Variants in HS6ST3 observed in about 807,000 individuals in gnomAD.
The protein encoded by HS6ST3 is heparan sulfate 6-O-sulfotransferase 3.
HS6ST3 carries 12 observed loss-of-function variants against 36.7 expected under a neutral mutation model. That is an observed-to-expected ratio of 0.33 (90% CI 0.21 to 0.53). The LOEUF is 0.53. HS6ST3 is among the 20% of genes least tolerant of loss of function. The probability of loss-of-function intolerance (pLI) is 0.95; values close to 1 mark genes in which losing one functional copy is unlikely to be tolerated. For missense variants in HS6ST3, 584 were observed against 640.9 expected (o/e 0.91, Z 0.96); for synonymous variants, 240 against 257.5 (o/e 0.93, Z 0.65).
At chr13:96,500,475 G>C (rs76868119) in intron 1 of HS6ST3, among the ~76,000 whole-genome samples, 1 of 151,994 alleles carries the variant, frequency 6.6e-6, no homozygotes, top group Non-Finnish European at 1.5e-5. Context: ...TTACCATTTC[G>C]TCTGCTATGC....
At chr13:96,284,910 G>GCTTGCTTTCTTT (rs1343778101) in intron 1 of HS6ST3, among the ~76,000 whole-genome samples, 172 of 134,664 alleles carry the variant, frequency 1.3e-3, no homozygotes, top group East Asian at 3.6e-3. Context: ...ATGCATATTT[G>GCTTGCTTTCTTT]CTTTCTTTCT....
rs189663603 is a variant in HS6ST3, at chr13:96,685,380, T to A, written c.708-147110T>A. Among the ~76,000 whole-genome samples, 6 of 152,228 alleles carry A rather than the reference T, an allele frequency of 3.9e-5. No homozygotes were observed. In the East Asian group the frequency reaches 1.2e-3, roughly 29 times the overall value. On this transcript the variant is annotated intron_variant, in intron 1 of 1. Coordinates refer to ENST00000376705, the MANE Select transcript of HS6ST3 (RefSeq NM_153456.4). Reference sequence around the variant, plus strand: ...AGTACTAACTTTTAAATATTTGGCATAGATATGTGAAATATCAAAGTCTGT... The same window carrying A: ...AGTACTAACTTTTAAATATTTGGCAAAGATATGTGAAATATCAAAGTCTGT...
chr13:96,598,616 A>C (rs1262228435), intron 1 of HS6ST3, among the ~76,000 whole-genome samples: 1 of 152,050 alleles, frequency 6.6e-6, no homozygotes, highest in African/African-American at 2.4e-5. Flanking sequence ...TCATATCATC[A>C]GCAAACAGAT....
chr13:96,152,259 C>T (rs2054088416), intron 1 of HS6ST3, among the ~76,000 whole-genome samples: 1 of 151,786 alleles, frequency 6.6e-6, no homozygotes, highest in South Asian at 2.1e-4. Context: ...TTGCCACTCC[C>T]CAGTTGAGAC....
At chr13:96,177,949 C>T (rs1011220735) in intron 1 of HS6ST3, among the ~76,000 whole-genome samples, 2 of 152,084 alleles carry the variant, frequency 1.3e-5, no homozygotes, top group Non-Finnish European at 2.9e-5. Context: ...GACAATTCAA[C>T]ACTGAGTGAT....
chr13:96,336,586 T>C (rs549650664), intron 1 of HS6ST3, among the ~76,000 whole-genome samples: 1 of 152,196 alleles, frequency 6.6e-6, no homozygotes, highest in Admixed American at 6.5e-5. Flanking sequence ...CAGAAGAAGA[T>C]AGCCATCTGC....
At chr13:96,229,278 C>T (rs1013034362) in intron 1 of HS6ST3, among the ~76,000 whole-genome samples, 7 of 152,126 alleles carry the variant, frequency 4.6e-5, no homozygotes, top group Non-Finnish European at 7.4e-5. Flanking sequence ...TTTGGTCATT[C>T]GGTAATCACT....
intron 1 of HS6ST3, among the ~76,000 whole-genome samples, chr13:96,218,830 G>A (rs188576341): frequency 6.6e-6 from 1 of 152,210 alleles, no homozygotes; most frequent in Admixed American, 6.5e-5. Flanking sequence ...TACTGCTCTT[G>A]GCAAGGATCA....
intron 1 of HS6ST3, among the ~76,000 whole-genome samples, chr13:96,529,186 G>A (rs1198791276): frequency 6.6e-6 from 1 of 152,078 alleles, no homozygotes; most frequent in Non-Finnish European, 1.5e-5. Flanking sequence ...CTGATCTAGA[G>A]TTAGAAATTT....
intron 1 of HS6ST3, among the ~76,000 whole-genome samples, chr13:96,359,379 T>C (rs1160391313): frequency 6.6e-6 from 1 of 152,208 alleles, no homozygotes; most frequent in Admixed American, 6.5e-5. Flanking sequence ...TTTAAAATTA[T>C]TGAACTGGAT....
intron 1 of HS6ST3, among the ~76,000 whole-genome samples, chr13:96,334,290 G>A (rs142202172): frequency 1.8e-3 from 267 of 152,282 alleles, no homozygotes; most frequent in African/African-American, 6.2e-3. Context: ...CCAATAGTGA[G>A]TTCTTACACA....
chr13:96,726,847 C>T (rs1433117628), intron 1 of HS6ST3, among the ~76,000 whole-genome samples: 1 of 151,748 alleles, frequency 6.6e-6, no homozygotes, highest in African/African-American at 2.4e-5. Context: ...TGCTGTTATC[C>T]TTCTCTTTTC....
At chr13:96,573,450 C>G (rs1440271427) in intron 1 of HS6ST3, among the ~76,000 whole-genome samples, 2 of 152,114 alleles carry the variant, frequency 1.3e-5, no homozygotes, top group Non-Finnish European at 2.9e-5. Context: ...GGTCCTGTCC[C>G]TGCAAGAGCA....
At chr13:96,145,069 C>T (rs1176802712) in intron 1 of HS6ST3, among the ~76,000 whole-genome samples, 3 of 137,852 alleles carry the variant, frequency 2.2e-5, no homozygotes, top group Non-Finnish European at 4.7e-5. Context: ...TGGGTTGGTT[C>T]CAAGTCTTTG....
intron 1 of HS6ST3, among the ~76,000 whole-genome samples, chr13:96,615,993 A>T (rs1202649543): frequency 6.6e-6 from 1 of 152,220 alleles, no homozygotes; most frequent in East Asian, 1.9e-4. Flanking sequence ...TTACTTTCAG[A>T]TATTGCAGAT....
chr13:96,548,128 C>T (rs1291559497), intron 1 of HS6ST3, among the ~76,000 whole-genome samples: 2 of 152,120 alleles, frequency 1.3e-5, no homozygotes, highest in Non-Finnish European at 2.9e-5. Context: ...ACCTCCTTGG[C>T]CAACCTAACT....
intron 1 of HS6ST3, among the ~76,000 whole-genome samples, chr13:96,762,247 G>A (rs1270417460): frequency 2.6e-5 from 4 of 152,172 alleles, no homozygotes; most frequent in Non-Finnish European, 5.9e-5. Context: ...GGATGCCAAG[G>A]CAGGCAGATC....
At chr13:96,608,051 A>G (rs1180303728) in intron 1 of HS6ST3, among the ~76,000 whole-genome samples, 1 of 152,204 alleles carries the variant, frequency 6.6e-6, no homozygotes, top group Non-Finnish European at 1.5e-5. Context: ...GAGCTTCAGT[A>G]ATGATAATTG....
chr13:96,774,271 C>T (rs899899970), intron 1 of HS6ST3, among the ~76,000 whole-genome samples: 1 of 152,130 alleles, frequency 6.6e-6, no homozygotes, highest in Non-Finnish European at 1.5e-5. Flanking sequence ...AATGCCTCTT[C>T]TCCTCCAAAG....
Sources: gnomAD v4.1 joint callset for allele counts (sites outside exome capture counted in the v4.1 genomes callset) on GRCh38, gnomAD v4.1.1 for gene constraint, MANE v1.5 for transcripts, NCBI Gene and HGNC (gene_info 2026-07-23, HGNC 2026-07-21) for gene names.